The following NKAIN2 variants were observed in gnomAD, a reference collection of about 807,000 sequenced individuals.
NKAIN2 encodes the protein sodium/potassium-transporting ATPase subunit beta-1-interacting protein 2.
In NKAIN2, 14 loss-of-function variants were observed where a neutral mutation model predicts 32.6. That is an observed-to-expected ratio of 0.43 (90% CI 0.28 to 0.67). The LOEUF (loss-of-function observed/expected upper bound fraction) is 0.67. Among genes scored for constraint, NKAIN2 ranks in the 30% least tolerant of loss-of-function variants. The pLI, the probability that NKAIN2 is intolerant of heterozygous loss-of-function variation, is 0.17. For missense variants in NKAIN2, 198 were observed against 258.3 expected (o/e 0.77, Z 1.60); for synonymous variants, 80 against 87.2 (o/e 0.92, Z 0.46).
In NKAIN2 at chr6:124,246,666, A is replaced by T. The variant is rs550696653; in HGVS notation, c.55-36339A>T. ...CTTAGAAGGCAGACTTTACAGCCTA[A>T]CACCACAACCTATTGGGAGATGGAC... On this transcript the variant is annotated intron_variant, in intron 1 of 6. Coordinates refer to ENST00000368417, the MANE Select transcript of NKAIN2 (RefSeq NM_001040214.3). Among the ~76,000 whole-genome samples the T allele has an allele frequency of 1.3e-3, 200 of 152,168 alleles. 3 individuals carry two copies. The South Asian group carries it at 0.041, about 31-fold the overall frequency.
chr6:124,607,528 G>T lies in NKAIN2; in HGVS notation c.274-50658G>T, dbSNP rs73772185. On this transcript the variant is annotated intron_variant, in intron 3 of 6. Coordinates refer to ENST00000368417, the MANE Select transcript of NKAIN2 (RefSeq NM_001040214.3). ...TTTGTTTACCTACTGTTAGGTTGCA[G>T]TTCATTGTGTCAAAACTCAAAATAT... Among the ~76,000 whole-genome samples, 834 of 152,234 alleles carry T rather than the reference G, an allele frequency of 5.5e-3. 11 individuals are homozygous for T. Among genetic ancestry groups the T allele is most frequent in the African/African-American group, 0.019 (789 of 41,532 alleles).
chr6:124,333,313 T>A (rs934248790), intron 2 of NKAIN2, among the ~76,000 whole-genome samples: 4 of 152,076 alleles, frequency 2.6e-5, no homozygotes, highest in African/African-American at 9.7e-5. Flanking sequence ...ATTTACTATC[T>A]CACAGTTCTA....
intron 1 of NKAIN2, among the ~76,000 whole-genome samples, chr6:123,833,967 C>A (rs1421809953): frequency 6.6e-6 from 1 of 151,648 alleles, no homozygotes. Flanking sequence ...ACCTCTTGAT[C>A]CACCCGCCTC....
intron 1 of NKAIN2, among the ~76,000 whole-genome samples, chr6:124,101,569 G>GT (rs915615726): frequency 4.6e-5 from 7 of 151,536 alleles, no homozygotes; most frequent in African/African-American, 9.7e-5. Context: ...ACAAAGCAGG[G>GT]TTTTTTTTGT....
intron 2 of NKAIN2, 124 bp from the exon 3 acceptor site, chr6:124,355,143 G>A: frequency 3.2e-6 from 2 of 634,354 alleles, no homozygotes; most frequent in South Asian, 2.0e-5. Flanking sequence ...GTTCCTTAGA[G>A]AGAAGCAATA....
At chr6:124,076,586 C>T (rs1393581818) in intron 1 of NKAIN2, among the ~76,000 whole-genome samples, 1 of 152,186 alleles carries the variant, frequency 6.6e-6, no homozygotes, top group East Asian at 1.9e-4. Flanking sequence ...GGGTGAAAAA[C>T]AGATCATTGA....
At chr6:124,158,423 A>G (rs907412833) in intron 1 of NKAIN2, among the ~76,000 whole-genome samples, 3 of 152,210 alleles carry the variant, frequency 2.0e-5, no homozygotes, top group African/African-American at 7.2e-5. Flanking sequence ...AATTCAGACC[A>G]TAATAACACT....
chr6:124,716,223 C>T (rs1392379621), intron 4 of NKAIN2, among the ~76,000 whole-genome samples: 5 of 152,210 alleles, frequency 3.3e-5, no homozygotes, highest in Non-Finnish European at 1.5e-5. Flanking sequence ...TTCCTCTCAG[C>T]TCTGTGCATG....
intron 1 of NKAIN2, among the ~76,000 whole-genome samples, chr6:124,252,962 T>C (rs148606288): frequency 1.0e-3 from 154 of 152,306 alleles, no homozygotes; most frequent in Non-Finnish European, 1.8e-3. Context: ...TATAAAAGCA[T>C]ATCCCTTTGT....
At chr6:124,335,249 A>C (rs1235777880) in intron 2 of NKAIN2, among the ~76,000 whole-genome samples, 2 of 152,316 alleles carry the variant, frequency 1.3e-5, no homozygotes, top group East Asian at 1.9e-4. Flanking sequence ...CTACACTTAT[A>C]ATCTAATACC....
intron 4 of NKAIN2, among the ~76,000 whole-genome samples, chr6:124,743,483 C>A (rs1777316908): frequency 6.6e-6 from 1 of 151,726 alleles, no homozygotes; most frequent in Non-Finnish European, 1.5e-5. Context: ...ACAGTGTGCT[C>A]TTCTAGCTTT....
intron 1 of NKAIN2, among the ~76,000 whole-genome samples, chr6:124,241,957 A>C (rs913180538): frequency 6.6e-6 from 1 of 152,144 alleles, no homozygotes; most frequent in East Asian, 1.9e-4. Context: ...CCCTAGAAGA[A>C]AACCTAGGCA....
chr6:124,072,158 C>T (rs1030286890), intron 1 of NKAIN2, among the ~76,000 whole-genome samples: 3 of 152,058 alleles, frequency 2.0e-5, no homozygotes, highest in Non-Finnish European at 2.9e-5. Context: ...AAAAATAATA[C>T]AATTATGTCC....
At chr6:124,468,647 GA>G (rs901437433) in intron 3 of NKAIN2, among the ~76,000 whole-genome samples, 3 of 152,002 alleles carry the variant, frequency 2.0e-5, no homozygotes, top group African/African-American at 7.2e-5. Flanking sequence ...TGAAAGAAAA[GA>G]AAAAATATAA....
intron 1 of NKAIN2, among the ~76,000 whole-genome samples, chr6:124,218,468 A>C (rs1437919988): frequency 6.6e-6 from 1 of 152,158 alleles, no homozygotes; most frequent in Non-Finnish European, 1.5e-5. Flanking sequence ...AATGAAAAAC[A>C]TTTCTTGATT....
At chr6:124,490,831 A>C (rs1407750772) in intron 3 of NKAIN2, among the ~76,000 whole-genome samples, 2 of 151,804 alleles carry the variant, frequency 1.3e-5, no homozygotes, top group Non-Finnish European at 3.0e-5. Context: ...AGAGGGCTAG[A>C]GTGCATTTTA....
chr6:124,487,695 T>C (rs1777706873), intron 3 of NKAIN2, among the ~76,000 whole-genome samples: 1 of 152,106 alleles, frequency 6.6e-6, no homozygotes, highest in Non-Finnish European at 1.5e-5. Context: ...TTTACCTTTA[T>C]ATTTCTTATT....
intron 4 of NKAIN2, among the ~76,000 whole-genome samples, chr6:124,770,437 T>A (rs1450948658): frequency 1.3e-5 from 2 of 152,168 alleles, no homozygotes; most frequent in Non-Finnish European, 2.9e-5. Context: ...CTGTGTACAA[T>A]GTGCTGAAAA....
chr6:124,704,080 G>T (rs1774930306), intron 4 of NKAIN2, among the ~76,000 whole-genome samples: 2 of 151,582 alleles, frequency 1.3e-5, no homozygotes. Flanking sequence ...TGTAGATCAT[G>T]AGAAAGGCCC....
Sources: allele counts gnomAD v4.1 joint callset (sites outside exome capture counted in the v4.1 genomes callset), GRCh38; gene constraint gnomAD v4.1.1; transcripts MANE v1.5; gene names NCBI Gene and HGNC (gene_info 2026-07-23, HGNC 2026-07-21).